CTNNA3: variants seen among roughly 807,000 people sequenced by gnomAD.
CTNNA3 encodes catenin alpha-3.
A neutral mutation model predicts 95.7 loss-of-function variants in CTNNA3; 76 were observed. The observed-to-expected ratio is 0.79, with a 90% confidence interval of 0.66 to 0.96. The LOEUF (loss-of-function observed/expected upper bound fraction) is 0.96. Among genes scored for constraint, CTNNA3 ranks in the 40% least tolerant of loss-of-function variants. The pLI, the probability that CTNNA3 is intolerant of heterozygous loss-of-function variation, is 0.00. For synonymous variants in CTNNA3, 431 were observed against 374.4 expected (o/e 1.15, Z -1.74); for missense variants, 1,191 against 1,089.8 (o/e 1.09, Z -1.31).
intron 3 of CTNNA3, among the ~76,000 whole-genome samples, chr10:67,557,808 A>G (rs1037718658): frequency 4.8e-4 from 73 of 152,332 alleles, no homozygotes; most frequent in African/African-American, 1.7e-3. Flanking sequence ...ATGCCACCAT[A>G]GCTCTATTTT....
At chr10:67,666,813 A>G (rs1840339500) in intron 1 of CTNNA3, among the ~76,000 whole-genome samples, 1 of 152,306 alleles carries the variant, frequency 6.6e-6, no homozygotes, top group East Asian at 1.9e-4. Context: ...TCTCATCTGT[A>G]TCACACTACC....
chr10:67,646,322 T>C (rs1456474548), intron 2 of CTNNA3, among the ~76,000 whole-genome samples: 2 of 151,796 alleles, frequency 1.3e-5, no homozygotes, highest in Admixed American at 1.3e-4. Context: ...CAGCCTTTTT[T>C]CTTTTTAACA....
At chr10:67,709,001 T>C (rs902477926) in intron 1 of CTNNA3, among the ~76,000 whole-genome samples, 2 of 151,668 alleles carry the variant, frequency 1.3e-5, no homozygotes, top group Non-Finnish European at 2.9e-5. Flanking sequence ...TGTATTCACA[T>C]AAATTATATA....
intron 5 of CTNNA3, among the ~76,000 whole-genome samples, chr10:67,507,849 C>T (rs904617864): frequency 6.6e-6 from 1 of 152,148 alleles, no homozygotes. Flanking sequence ...CTTTAAAAGA[C>T]CATTCACCAT....
intron 11 of CTNNA3, among the ~76,000 whole-genome samples, chr10:66,412,783 T>A (rs1276925496): frequency 6.6e-6 from 1 of 152,076 alleles, no homozygotes; most frequent in Non-Finnish European, 1.5e-5. Context: ...TTATTTAATG[T>A]GAGCCAGTAT....
chr10:66,483,943 C>T (rs1249788127), intron 11 of CTNNA3, among the ~76,000 whole-genome samples: 6 of 152,034 alleles, frequency 3.9e-5, no homozygotes, highest in East Asian at 1.9e-4. Flanking sequence ...CTAATTTCCT[C>T]GTCATACTGT....
intron 12 of CTNNA3, among the ~76,000 whole-genome samples, chr10:66,366,667 ATTTCTG>A (rs1232570553): frequency 6.6e-6 from 1 of 152,130 alleles, no homozygotes; most frequent in Non-Finnish European, 1.5e-5. Flanking sequence ...TGAGCAATAA[ATTTCTG>A]TTGTTTATAA....
chr10:65,926,098 C>A (rs146351910), intron 17 of CTNNA3, among the ~76,000 whole-genome samples: 2 of 150,008 alleles, frequency 1.3e-5, no homozygotes, highest in Non-Finnish European at 3.0e-5. Context: ...AAATATATAA[C>A]ATATATGTGA....
At chr10:67,695,545 T>G (rs563221518) in intron 1 of CTNNA3, among the ~76,000 whole-genome samples, 3 of 152,238 alleles carry the variant, frequency 2.0e-5, no homozygotes, top group Non-Finnish European at 4.4e-5. Flanking sequence ...CAGAAATTAA[T>G]GCTTTTTGCC....
intron 7 of CTNNA3, among the ~76,000 whole-genome samples, chr10:66,882,462 C>A (rs144347147): frequency 3.3e-5 from 5 of 152,224 alleles, no homozygotes; most frequent in Admixed American, 1.3e-4. Flanking sequence ...CACTCAACCC[C>A]ATCTGCTATG....
intron 8 of CTNNA3, among the ~76,000 whole-genome samples, chr10:66,774,150 G>A (rs557190051): frequency 2.0e-5 from 3 of 152,086 alleles, no homozygotes; most frequent in Non-Finnish European, 2.9e-5. Flanking sequence ...TAATGTTGTT[G>A]AAGGCAATAT....
intron 5 of CTNNA3, among the ~76,000 whole-genome samples, chr10:67,288,459 T>C (rs1305591117): frequency 6.6e-6 from 1 of 152,200 alleles, no homozygotes; most frequent in Non-Finnish European, 1.5e-5. Flanking sequence ...ATGGATATCT[T>C]GTCAACTGCT....
chr10:66,616,917 T>C (rs1844536479), intron 10 of CTNNA3, among the ~76,000 whole-genome samples: 1 of 151,880 alleles, frequency 6.6e-6, no homozygotes, highest in South Asian at 2.1e-4. Context: ...AGACACACCA[T>C]ATTAAGAAAA....
At chr10:66,385,399 T>A (rs1393973246) in intron 11 of CTNNA3, among the ~76,000 whole-genome samples, 1 of 152,072 alleles carries the variant, frequency 6.6e-6, no homozygotes, top group East Asian at 1.9e-4. Context: ...AGGAAGAAGT[T>A]GAATCTCTGA....
chr10:66,269,885 C>T (rs1053027920), intron 13 of CTNNA3, among the ~76,000 whole-genome samples: 3 of 152,100 alleles, frequency 2.0e-5, no homozygotes, highest in African/African-American at 7.2e-5. Flanking sequence ...CACACGGATC[C>T]GACTTTGCAG....
intron 5 of CTNNA3, among the ~76,000 whole-genome samples, chr10:67,317,579 C>T (rs1187587483): frequency 6.6e-6 from 1 of 152,088 alleles, no homozygotes; most frequent in East Asian, 1.9e-4. Context: ...GCACCCATCA[C>T]CATGCCCGGC....
intron 12 of CTNNA3, among the ~76,000 whole-genome samples, chr10:66,345,550 T>C (rs763224350): frequency 6.6e-6 from 1 of 152,214 alleles, no homozygotes; most frequent in Non-Finnish European, 1.5e-5. Context: ...TTTTTTTCTC[T>C]AAATAAATGT....
intron 7 of CTNNA3, among the ~76,000 whole-genome samples, chr10:66,820,015 C>CA (rs1414095498): frequency 6.9e-6 from 1 of 144,492 alleles, no homozygotes; most frequent in Non-Finnish European, 1.5e-5. Context: ...TGAGTTCACA[C>CA]AAAAACTTGT....
At chr10:66,269,196 TA>T (rs1429893025) in intron 13 of CTNNA3, among the ~76,000 whole-genome samples, 1 of 152,206 alleles carries the variant, frequency 6.6e-6, no homozygotes, top group African/African-American at 2.4e-5. Flanking sequence ...AATCTGAAGT[TA>T]AAAGACTACA....
Sources: gnomAD v4.1 joint callset for allele counts (sites outside exome capture counted in the v4.1 genomes callset) on GRCh38, gnomAD v4.1.1 for gene constraint, MANE v1.5 for transcripts, NCBI Gene and HGNC (gene_info 2026-07-23, HGNC 2026-07-21) for gene names.